CTNNA2: variants seen among roughly 807,000 people sequenced by gnomAD.
CTNNA2 encodes catenin alpha-2.
A neutral mutation model predicts 101.0 loss-of-function variants in CTNNA2; 42 were observed. The observed-to-expected ratio is 0.42, with a 90% CI of 0.32 to 0.54. The LOEUF is 0.54. Ranked by LOEUF, CTNNA2 falls within the 20% of genes least tolerant of loss-of-function variation. CTNNA2 has a pLI of 0.14. For missense variants in CTNNA2, 871 were observed against 1,223.1 expected (o/e 0.71, Z 4.29); for synonymous variants, 450 against 456.4 (o/e 0.99, Z 0.18).
intron 2 of CTNNA2, among the ~76,000 whole-genome samples, chr2:79,287,806 C>G (rs1433955686): frequency 6.6e-6 from 1 of 152,200 alleles, no homozygotes; most frequent in East Asian, 1.9e-4. Context: ...GCTTTGTTTA[C>G]CTAAGCAAGC....
At chr2:79,396,489 C>G (rs904382035) in intron 4 of CTNNA2, among the ~76,000 whole-genome samples, 1 of 152,060 alleles carries the variant, frequency 6.6e-6, no homozygotes, top group Non-Finnish European at 1.5e-5. Flanking sequence ...TAGGGACATT[C>G]ATTTGAGCTT....
intron 7 of CTNNA2, among the ~76,000 whole-genome samples, chr2:80,170,235 GTGTGTGTGTGTGTT>G (rs1704968015): frequency 6.7e-6 from 1 of 148,578 alleles, no homozygotes; most frequent in African/African-American, 2.6e-5. Flanking sequence ...CTCTCTCTGT[GTGTGTGTGTGTGTT>G]TGTGTGTGTG....
chr2:79,270,317 G>A (rs1036488231), intron 2 of CTNNA2, among the ~76,000 whole-genome samples: 2 of 152,092 alleles, frequency 1.3e-5, no homozygotes, highest in African/African-American at 4.8e-5. Context: ...GGCTTTCTGA[G>A]CCTGCAGCTC....
At chr2:80,034,902 A>G (rs1695552675) in intron 7 of CTNNA2, among the ~76,000 whole-genome samples, 1 of 152,204 alleles carries the variant, frequency 6.6e-6, no homozygotes, top group African/African-American at 2.4e-5. Context: ...TTTCAAATTC[A>G]TATACCGCTC....
chr2:80,259,527 C>T (rs550388399), intron 7 of CTNNA2, among the ~76,000 whole-genome samples: 8 of 152,238 alleles, frequency 5.3e-5, no homozygotes, highest in South Asian at 2.1e-4. Flanking sequence ...CCTGGCACTG[C>T]GCCTCTCCCG....
At chr2:79,267,086 T>C (rs1402878619) in intron 2 of CTNNA2, among the ~76,000 whole-genome samples, 2 of 152,048 alleles carry the variant, frequency 1.3e-5, no homozygotes, top group East Asian at 3.9e-4. Flanking sequence ...AGGTCTGAGA[T>C]GAGGACATCT....
At chr2:80,520,254 A>T (rs1689427415) in intron 9 of CTNNA2, among the ~76,000 whole-genome samples, 1 of 151,938 alleles carries the variant, frequency 6.6e-6, no homozygotes, top group African/African-American at 2.4e-5. Context: ...ATAAGCATAT[A>T]CTAGATGGGA....
intron 7 of CTNNA2, among the ~76,000 whole-genome samples, chr2:80,232,081 C>A (rs375210205): frequency 5.3e-5 from 8 of 152,298 alleles, no homozygotes; most frequent in African/African-American, 1.9e-4. Context: ...GCAAGAAAAT[C>A]TTTGACTCTA....
At chr2:80,033,972 TAAAAAAAA>T (rs70940069) in intron 7 of CTNNA2, among the ~76,000 whole-genome samples, 1 of 84,246 alleles carries the variant, frequency 1.2e-5, no homozygotes, top group African/African-American at 5.0e-5. Flanking sequence ...GCTTATAATG[TAAAAAAAA>T]AAAAAAAAAA....
At chr2:80,050,149 A>G (rs1696784157) in intron 7 of CTNNA2, among the ~76,000 whole-genome samples, 1 of 152,160 alleles carries the variant, frequency 6.6e-6, no homozygotes, top group South Asian at 2.1e-4. Flanking sequence ...AAATAGCTAC[A>G]TCAGAGTATT....
chr2:79,468,613 A>G (rs1409006301), intron 4 of CTNNA2, among the ~76,000 whole-genome samples: 33 of 152,020 alleles, frequency 2.2e-4, no homozygotes, highest in Admixed American at 5.2e-4. Flanking sequence ...TTCCAAAATT[A>G]ACCACATAGT....
chr2:80,110,856 G>A (rs532547516), intron 7 of CTNNA2, among the ~76,000 whole-genome samples: 1 of 152,142 alleles, frequency 6.6e-6, no homozygotes. Context: ...ATTAGAGGAG[G>A]ATTGTATTAG....
intron 7 of CTNNA2, chr2:80,299,345 C>T (rs1479776853): frequency 6.6e-6 from 1 of 152,074 alleles, no homozygotes; most frequent in Admixed American, 6.6e-5. Flanking sequence ...ACCACTTTCC[C>T]TTATTCCTGC....
chr2:79,486,222 C>G (rs185952277), intron 4 of CTNNA2, among the ~76,000 whole-genome samples: 16 of 143,882 alleles, frequency 1.1e-4, no homozygotes, highest in African/African-American at 4.2e-4. Flanking sequence ...TATCCCTCCC[C>G]CCTTCCCCCA....
intron 7 of CTNNA2, among the ~76,000 whole-genome samples, chr2:80,147,553 T>C (rs557796476): frequency 6.6e-6 from 1 of 152,282 alleles, no homozygotes; most frequent in East Asian, 1.9e-4. Context: ...TGTCAGATTT[T>C]CCAACAAAAT....
chr2:80,436,234 G>A (rs1682014675), intron 9 of CTNNA2, among the ~76,000 whole-genome samples: 1 of 152,102 alleles, frequency 6.6e-6, no homozygotes, highest in Non-Finnish European at 1.5e-5. Flanking sequence ...GCTACCCAGG[G>A]CATGAGCATG....
intron 7 of CTNNA2, among the ~76,000 whole-genome samples, chr2:80,167,243 A>C (rs1704758870): frequency 6.6e-6 from 1 of 152,314 alleles, no homozygotes; most frequent in Admixed American, 6.5e-5. Context: ...TTTTAATTAA[A>C]GTTCAAATAT....
At chr2:79,381,960 G>C (rs1038317224) in intron 4 of CTNNA2, among the ~76,000 whole-genome samples, 2 of 152,122 alleles carry the variant, frequency 1.3e-5, no homozygotes, top group African/African-American at 2.4e-5. Flanking sequence ...CTGGGCTAAG[G>C]GATACTTAGA....
At chr2:80,373,384 A>C (rs1326271460) in intron 7 of CTNNA2, among the ~76,000 whole-genome samples, 1 of 152,200 alleles carries the variant, frequency 6.6e-6, no homozygotes, top group Non-Finnish European at 1.5e-5. Context: ...TGAACTCTGA[A>C]AGGGACATCA....
Sources: gnomAD v4.1 joint callset for allele counts (sites outside exome capture counted in the v4.1 genomes callset) on GRCh38, gnomAD v4.1.1 for gene constraint, MANE v1.5 for transcripts, NCBI Gene and HGNC (gene_info 2026-07-23, HGNC 2026-07-21) for gene names.